ULK4: variants seen among roughly 807,000 people sequenced by gnomAD.
The protein encoded by ULK4 is unc-51 like kinase 4.
A neutral mutation model predicts 160.6 loss-of-function variants in ULK4; 133 were observed. The observed-to-expected ratio is 0.83, with a 90% CI of 0.72 to 0.96. The LOEUF is 0.96. Ranked by LOEUF, ULK4 falls within the 40% of genes least tolerant of loss-of-function variation. ULK4 has a pLI of 0.00. For missense variants in ULK4, 1,580 were observed against 1,499.5 expected (o/e 1.05, Z -0.89); for synonymous variants, 534 against 539.8 (o/e 0.99, Z 0.15).
chr3:41,905,939 C>T (rs533064040), intron 12 of ULK4, among the ~76,000 whole-genome samples: 1 of 151,954 alleles, frequency 6.6e-6, no homozygotes, highest in South Asian at 2.1e-4. Context: ...CCAGGTGGGC[C>T]GGGCACGGTG....
At chr3:41,627,450 G>GTC (rs778724475) in intron 30 of ULK4, among the ~76,000 whole-genome samples, 1 of 152,172 alleles carries the variant, frequency 6.6e-6, no homozygotes, top group Non-Finnish European at 1.5e-5. Context: ...CACAAGAGGC[G>GTC]TAAGTCCCGA....
chr3:41,921,602 G>C (rs576058139), intron 5 of ULK4, among the ~76,000 whole-genome samples: 1 of 151,644 alleles, frequency 6.6e-6, no homozygotes, highest in Non-Finnish European at 1.5e-5. Context: ...ACAACAGAGC[G>C]AGACTCCGTC....
intron 35 of ULK4, among the ~76,000 whole-genome samples, chr3:41,271,531 A>G (rs2079137745): frequency 6.6e-6 from 1 of 151,306 alleles, no homozygotes; most frequent in African/African-American, 2.4e-5. Context: ...AGTAGCTAGG[A>G]TTACAGGCGC....
At chr3:41,837,874 T>C (rs1170347144) in intron 17 of ULK4, among the ~76,000 whole-genome samples, 1 of 152,226 alleles carries the variant, frequency 6.6e-6, no homozygotes, top group Non-Finnish European at 1.5e-5. Context: ...TCATTCCTTC[T>C]TATTGCTGAA....
intron 31 of ULK4, among the ~76,000 whole-genome samples, chr3:41,577,648 C>T (rs1483712016): frequency 6.6e-6 from 1 of 151,994 alleles, no homozygotes; most frequent in Non-Finnish European, 1.5e-5. Flanking sequence ...TAACCAACCA[C>T]CCTTCTATTC....
intron 12 of ULK4, among the ~76,000 whole-genome samples, chr3:41,906,595 C>G (rs1698570380): frequency 6.6e-6 from 1 of 151,302 alleles, no homozygotes; most frequent in Non-Finnish European, 1.5e-5. Context: ...TATTCACCAG[C>G]TGATGACTGG....
At chr3:41,717,052 G>A (rs556961263) in intron 23 of ULK4, among the ~76,000 whole-genome samples, 1 of 152,224 alleles carries the variant, frequency 6.6e-6, no homozygotes, top group Admixed American at 6.5e-5. Context: ...AAGGGTGAAT[G>A]GATGTGGAGG....
intron 35 of ULK4, among the ~76,000 whole-genome samples, chr3:41,322,283 CA>C (rs2125731561): frequency 6.6e-6 from 1 of 151,194 alleles, no homozygotes; most frequent in East Asian, 1.9e-4. Context: ...CCACCTGCCT[CA>C]GCCTCCCAAA....
Position 41,775,921 on chromosome 3 carries a change from G to C in ULK4, c.2193+13740C>G, listed in dbSNP as rs145788323. Among the ~76,000 whole-genome samples, 341 of 150,848 alleles carry C rather than the reference G, an allele frequency of 2.3e-3. 32 individuals are homozygous for C. The highest frequency in any genetic ancestry group is 8.1e-3 in the African/African-American group (328 of 40,246). ...TATAAGTTTAATTATCCAATCTCTT[G>C]TTGGTTAACTTTTACATTCTGCATC... On this transcript the variant is annotated intron_variant, in intron 21 of 36. Coordinates refer to ENST00000301831, the MANE Select transcript of ULK4 (RefSeq NM_017886.4).
At chr3:41,444,074 TGAC>T (rs1247767612) in intron 34 of ULK4, among the ~76,000 whole-genome samples, 1 of 152,186 alleles carries the variant, frequency 6.6e-6, no homozygotes, top group East Asian at 1.9e-4. Flanking sequence ...ATAAGTGGAA[TGAC>T]GACATTAAAA....
At chr3:41,645,880 A>G (rs912590731) in intron 30 of ULK4, among the ~76,000 whole-genome samples, 3 of 152,146 alleles carry the variant, frequency 2.0e-5, no homozygotes, top group Non-Finnish European at 2.9e-5. Flanking sequence ...GTGCTCCTTT[A>G]TTAGGTGCAT....
intron 27 of ULK4, among the ~76,000 whole-genome samples, chr3:41,692,500 G>A (rs753183851): frequency 1.3e-5 from 2 of 151,056 alleles, no homozygotes; most frequent in Non-Finnish European, 2.9e-5. Context: ...ATACATATAC[G>A]TTATATATTT....
At chr3:41,793,920 T>A (rs1575719219) in intron 20 of ULK4, among the ~76,000 whole-genome samples, 1 of 152,212 alleles carries the variant, frequency 6.6e-6, no homozygotes, top group East Asian at 1.9e-4. Context: ...TAAGCCACAC[T>A]GGTGTATTTT....
Position 41,689,356 on chromosome 3 carries a change from T to C in ULK4, c.2782-7552A>G, listed in dbSNP as rs575617225. Among the ~76,000 whole-genome samples the C allele has an allele frequency of 3.3e-5, 5 of 152,342 alleles. No individual in the cohort carries two copies. The East Asian group carries it at 9.6e-4, about 29-fold the overall frequency. On this transcript the variant is annotated intron_variant, in intron 27 of 36. Coordinates refer to ENST00000301831, the MANE Select transcript of ULK4 (RefSeq NM_017886.4). ...AATTCTTGGTATGTATACCAGACTT[T>C]ATTGAGAGTCTGGAGTAATGGAGGG...
At chr3:41,641,285 G>A (rs1298989976) in intron 30 of ULK4, among the ~76,000 whole-genome samples, 1 of 152,204 alleles carries the variant, frequency 6.6e-6, no homozygotes, top group Non-Finnish European at 1.5e-5. Flanking sequence ...CCATTCAGAA[G>A]ATAAAATCCT....
chr3:41,587,281 C>A (rs1416800781), intron 31 of ULK4, among the ~76,000 whole-genome samples: 1 of 152,170 alleles, frequency 6.6e-6, no homozygotes, highest in Non-Finnish European at 1.5e-5. Context: ...TTTTGAGTAT[C>A]TCTGATTTCC....
chr3:41,646,461 T>C (rs56274784), intron 30 of ULK4, among the ~76,000 whole-genome samples: 9,333 of 152,226 alleles, frequency 0.061, 965 homozygotes, highest in African/African-American at 0.21. Flanking sequence ...AAGCTTAGTT[T>C]GGCTGGATAT....
intron 35 of ULK4, among the ~76,000 whole-genome samples, chr3:41,322,068 G>A (rs1429590039): frequency 1.4e-5 from 2 of 144,212 alleles, no homozygotes; most frequent in Non-Finnish European, 3.0e-5. Context: ...GTCTCACTCT[G>A]TCACCCAGGC....
intron 2 of ULK4, among the ~76,000 whole-genome samples, chr3:41,941,869 A>G (rs1359001792): frequency 6.6e-6 from 1 of 151,956 alleles, no homozygotes; most frequent in East Asian, 1.9e-4. Flanking sequence ...ATTCAGGCAC[A>G]GGAAGGGGGA....
Sources: gnomAD v4.1 joint callset for allele counts (sites outside exome capture counted in the v4.1 genomes callset) on GRCh38, gnomAD v4.1.1 for gene constraint, MANE v1.5 for transcripts, NCBI Gene and HGNC (gene_info 2026-07-23, HGNC 2026-07-21) for gene names.